Variants in SNRPN observed in about 807,000 individuals in gnomAD.
SNRPN encodes small nuclear ribonucleoprotein-associated protein N.
A neutral mutation model predicts 25.2 loss-of-function variants in SNRPN; 7 were observed. That is an observed-to-expected ratio of 0.28 (90% CI 0.16 to 0.52). SNRPN has a LOEUF of 0.52. Ranked by LOEUF, SNRPN falls within the 20% of genes least tolerant of loss-of-function variation. The pLI, the probability that SNRPN is intolerant of heterozygous loss-of-function variation, is 0.96. For missense variants in SNRPN, 196 were observed against 322.5 expected (o/e 0.61, Z 3.00); for synonymous variants, 124 against 110.6 (o/e 1.12, Z -0.76).
chr15:24,848,715 T>C (rs1489744913), intron 2 of SNRPN: 1 of 152,152 alleles, frequency 6.6e-6, no homozygotes, highest in Non-Finnish European at 1.5e-5. Context: ...TTTAATCATT[T>C]GTGTATTGGC....
chr15:24,909,191 AAGTAGCAC>A (rs2059049768), intron 2 of SNRPN: 3 of 1,463,832 alleles, frequency 2.0e-6, no homozygotes, highest in Non-Finnish European at 2.9e-6. Flanking sequence ...TTCTTCCATT[AAGTAGCAC>A]ATGTAATCGG....
At chr15:24,902,691 G>A (rs2058538855) in intron 2 of SNRPN, among the ~76,000 whole-genome samples, 1 of 152,230 alleles carries the variant, frequency 6.6e-6, no homozygotes, top group Non-Finnish European at 1.5e-5. Context: ...GACCTTCGCA[G>A]TCAGTGTTAC....
chr15:24,840,115 T>C (rs1035931905), intron 2 of SNRPN, among the ~76,000 whole-genome samples: 1 of 152,084 alleles, frequency 6.6e-6, no homozygotes, highest in Non-Finnish European at 1.5e-5. Context: ...CCCAGCAGTT[T>C]GGGAGGCCAA....
chr15:24,864,171 C>A lies in SNRPN; in HGVS notation c.-579+7455C>A, dbSNP rs577653052. ...CCTCCCAAGTAGCTGGGACTACAGGCGCCCACCACAACGCCCGGCTAATTT... is the reference window on the plus strand; with the variant it reads ...CCTCCCAAGTAGCTGGGACTACAGGAGCCCACCACAACGCCCGGCTAATTT... On this transcript the variant is annotated intron_variant, in intron 1 of 11. Coordinates refer to the SNRPN transcript ENST00000400097. Among the ~76,000 whole-genome samples the A allele has an allele frequency of 2.5e-4, 37 of 147,468 alleles. 1 individual carries two copies. In the East Asian group the frequency reaches 7.4e-3, roughly 29 times the overall value.
chr15:24,844,839 A>C (rs1193038032), intron 2 of SNRPN, among the ~76,000 whole-genome samples: 1 of 152,160 alleles, frequency 6.6e-6, no homozygotes, highest in Non-Finnish European at 1.5e-5. Context: ...ATCCATTTTT[A>C]AATTTTGTGC....
intron 1 of SNRPN, among the ~76,000 whole-genome samples, chr15:24,863,131 G>A (rs1429187198): frequency 6.6e-6 from 1 of 150,692 alleles, no homozygotes; most frequent in African/African-American, 2.5e-5. Flanking sequence ...TGATGGGAAG[G>A]AGCAGTAGCA....
intron 2 of SNRPN, among the ~76,000 whole-genome samples, chr15:24,845,026 A>G (rs1413068810): frequency 6.6e-6 from 1 of 152,152 alleles, no homozygotes; most frequent in African/African-American, 2.4e-5. Flanking sequence ...ATTTTGGCAT[A>G]TGAATGCTCT....
intron 3 of SNRPN, among the ~76,000 whole-genome samples, chr15:24,939,553 C>G (rs914276238): frequency 2.6e-5 from 4 of 152,154 alleles, no homozygotes; most frequent in African/African-American, 9.7e-5. Context: ...CTGCCTCAAC[C>G]TCATGAGTAG....
rs61994673 is a variant in SNRPN, at chr15:24,829,542, G to A, written c.-686-256G>A. Among the ~76,000 whole-genome samples the A allele has an allele frequency of 3.8e-3, 573 of 152,110 alleles. 5 individuals carry two copies. Among genetic ancestry groups the A allele is most frequent in the Admixed American group, 7.7e-3 (118 of 15,296 alleles). On this transcript the variant is annotated intron_variant, in intron 1 of 12. Transcript: ENST00000400100. ...GACTGGGCATGGGGGTGAGGGTGCCGGGCAGCTCAGAAAGTGATGCAGGGG... is the reference window on the plus strand; with the variant it reads ...GACTGGGCATGGGGGTGAGGGTGCCAGGCAGCTCAGAAAGTGATGCAGGGG...
chr15:24,839,482 T>C (rs2051495066), intron 2 of SNRPN, among the ~76,000 whole-genome samples: 1 of 152,064 alleles, frequency 6.6e-6, no homozygotes, highest in African/African-American at 2.4e-5. Flanking sequence ...ACAAAGAGGC[T>C]CTTTAAATAT....
chr15:24,890,455 T>TCACGAGGTCAGGAGTTCAAGA (rs897313717), intron 2 of SNRPN, among the ~76,000 whole-genome samples: 2 of 152,046 alleles, frequency 1.3e-5, no homozygotes, highest in African/African-American at 4.8e-5. Context: ...GGCGGGTGGA[T>TCACGAGGTCAGGAGTTCAAGA]CACGAGGTCA....
chr15:24,907,411 C>T (rs920397694), intron 2 of SNRPN, among the ~76,000 whole-genome samples: 1 of 151,858 alleles, frequency 6.6e-6, no homozygotes, highest in Non-Finnish European at 1.5e-5. Context: ...TCCTGACTAA[C>T]ATGGTGAAAC....
chr15:24,968,265 T>C (rs2075940295), intron 3 of SNRPN, 183 bp downstream of exon 3: 4 of 500,538 alleles, frequency 8.0e-6, no homozygotes, highest in South Asian at 6.7e-5. Flanking sequence ...ACTTTCGTCA[T>C]GTTTCTGTAT....
intron 2 of SNRPN, among the ~76,000 whole-genome samples, chr15:24,911,569 G>C (rs2059219342): frequency 6.6e-6 from 1 of 152,200 alleles, no homozygotes; most frequent in Non-Finnish European, 1.5e-5. Context: ...CCCAGGTACA[G>C]CTCAGATCAC....
At chr15:24,960,165 T>C (rs1402454526) in intron 1 of SNRPN, among the ~76,000 whole-genome samples, 1 of 151,784 alleles carries the variant, frequency 6.6e-6, no homozygotes, top group Non-Finnish European at 1.5e-5. Flanking sequence ...CTTTGGAGGC[T>C]GAGTTTGGGT....
At chr15:24,838,918 G>A (rs2051447331) in intron 2 of SNRPN, among the ~76,000 whole-genome samples, 2 of 151,950 alleles carry the variant, frequency 1.3e-5, no homozygotes, top group South Asian at 4.1e-4. Flanking sequence ...GAGTTAGGGG[G>A]CCCTTTCTGG....
chr15:24,881,980 G>T (rs550100238), intron 1 of SNRPN, among the ~76,000 whole-genome samples: 2 of 152,120 alleles, frequency 1.3e-5, no homozygotes, highest in African/African-American at 2.4e-5. Flanking sequence ...TCAACTGACA[G>T]CCTTCTCCTC....
Position 24,909,241 on chromosome 15 carries a change from T to C in SNRPN, c.-504-10770T>C, listed in dbSNP as rs1595844206. The C allele has an allele frequency of 1.9e-6, 3 of 1,576,910 alleles. No individual in the cohort carries two copies. The South Asian group carries it at 3.3e-5, about 17-fold the overall frequency. On this transcript the variant is annotated intron_variant, in intron 2 of 11. Transcript: ENST00000400097. ...TCTGGCCCATGATGTGCTTCCGGTG[T>C]ACTTCTGCATTAAATTCCTTGCTTT...
intron 3 of SNRPN, among the ~76,000 whole-genome samples, chr15:24,924,976 G>GATTC (rs1472651726): frequency 1.3e-5 from 2 of 152,148 alleles, no homozygotes; most frequent in East Asian, 3.9e-4. Flanking sequence ...TTTGGCCTCT[G>GATTC]ATTCAGCTGT....
Sources: allele counts gnomAD v4.1 joint callset (sites outside exome capture counted in the v4.1 genomes callset), GRCh38; gene constraint gnomAD v4.1.1; transcripts MANE v1.5; gene names NCBI Gene and HGNC (gene_info 2026-07-23, HGNC 2026-07-21).